Variants in PRKN observed in about 807,000 individuals in gnomAD.
PRKN encodes the protein parkin RBR E3 ubiquitin protein ligase, also known as E3 ubiquitin-protein ligase parkin.
A neutral mutation model predicts 59.5 loss-of-function variants in PRKN; 56 were observed. The ratio of observed to expected loss-of-function variants is 0.94; its 90% CI spans 0.76 to 1.18. The LOEUF (loss-of-function observed/expected upper bound fraction) is 1.18, where lower values mean the gene tolerates loss of function less well. PRKN is among the 50% of genes most tolerant of loss of function. The pLI, the probability that PRKN is intolerant of heterozygous loss-of-function variation, is 0.00. For synonymous variants in PRKN, 250 were observed against 222.1 expected, an observed-to-expected ratio of 1.13 and a Z score of -1.12; for missense variants, 657 against 596.4, an observed-to-expected ratio of 1.10 and a Z score of -1.06.
intron 5 of PRKN, among the ~76,000 whole-genome samples, chr6:162,017,057 A>G (rs1782960085): frequency 6.6e-6 from 1 of 152,234 alleles, no homozygotes; most frequent in South Asian, 2.1e-4. Context: ...AGTTTGTCTT[A>G]AATATCTAAG....
chr6:161,823,645 T>C (rs967119160), intron 6 of PRKN, among the ~76,000 whole-genome samples: 3 of 152,220 alleles, frequency 2.0e-5, no homozygotes, highest in African/African-American at 7.2e-5. Context: ...ATCTCATCTT[T>C]TAAAATGTTA....
intron 8 of PRKN, among the ~76,000 whole-genome samples, chr6:161,559,075 C>A (rs953458046): frequency 3.6e-4 from 48 of 133,268 alleles, no homozygotes; most frequent in East Asian, 1.2e-3. Flanking sequence ...AACCAGTAAA[C>A]AAAAAAAACA....
In PRKN at chr6:161,390,823, A is replaced by T. The variant is rs1055113010; in HGVS notation, c.1084-3946T>A. Among the ~76,000 whole-genome samples the T allele has an allele frequency of 1.3e-5, 2 of 152,142 alleles. No homozygotes were observed. Among genetic ancestry groups the T allele is most frequent in the Non-Finnish European group, 2.9e-5 (2 of 68,028 alleles). On this transcript the variant is annotated intron_variant, in intron 9 of 11. Transcript: ENST00000366898. The surrounding 1 kb of genome is among the most constrained non-coding windows in gnomAD (Gnocchi z 7.0). ...TTATTTTTAAGAATAAAATAAAGCT[A>T]ATTTTTCCTTCCATTTGTGTGAATT...
rs529561920 is a variant in PRKN at position 161,440,991 on chromosome 6, G to C, written c.1084-54114C>G. Among the ~76,000 whole-genome samples the C allele has an allele frequency of 1.3e-5, 2 of 152,314 alleles. No individual in the cohort carries two copies. The highest frequency in any genetic ancestry group is 4.2e-4 in the South Asian group (2 of 4,814). On this transcript the variant is annotated intron_variant, in intron 9 of 11. Coordinates refer to ENST00000366898, the MANE Select transcript of PRKN (RefSeq NM_004562.3). The surrounding 1 kb of genome is among the most constrained non-coding windows in gnomAD (Gnocchi z 4.1). ...TCTTGCAAAATCTCATTGGTAAAGA[G>C]AGAGAGGATTTTCCTAACAAAAATG...
intron 6 of PRKN, among the ~76,000 whole-genome samples, chr6:161,885,459 T>G (rs1795103030): frequency 6.6e-6 from 1 of 151,986 alleles, no homozygotes; most frequent in Non-Finnish European, 1.5e-5. Context: ...GGTCAGGAGA[T>G]AGAGACCATC....
At chr6:161,508,229 G>A (rs563810391) in intron 9 of PRKN, among the ~76,000 whole-genome samples, 31 of 152,216 alleles carry the variant, frequency 2.0e-4, no homozygotes, top group Non-Finnish European at 4.3e-4. Flanking sequence ...GTTTCTGATG[G>A]TTAGGAGCTG....
At chr6:161,650,818 C>T (rs1784125272) in intron 7 of PRKN, among the ~76,000 whole-genome samples, 1 of 152,146 alleles carries the variant, frequency 6.6e-6, no homozygotes, top group Non-Finnish European at 1.5e-5. Context: ...TTACTAAATG[C>T]ACAGTGAAGG....
intron 5 of PRKN, among the ~76,000 whole-genome samples, chr6:161,996,773 C>CA (rs1254711620): frequency 5.9e-5 from 9 of 151,978 alleles, no homozygotes; most frequent in Non-Finnish European, 1.2e-4. Context: ...AGCCTACCCC[C>CA]AAAATATATT....
At chr6:161,495,697 GA>G (rs1340578836) in intron 9 of PRKN, among the ~76,000 whole-genome samples, 1 of 152,232 alleles carries the variant, frequency 6.6e-6, no homozygotes, top group African/African-American at 2.4e-5. Flanking sequence ...CAGCCATGGG[GA>G]CCATGTCCTG....
chr6:161,963,014 A>G (rs1448402715), intron 6 of PRKN, among the ~76,000 whole-genome samples: 1 of 152,100 alleles, frequency 6.6e-6, no homozygotes, highest in African/African-American at 2.4e-5. Flanking sequence ...ATGGTGGCAT[A>G]TGCCTTTAAT....
chr6:162,420,956 C>T (rs1046968232), intron 2 of PRKN, among the ~76,000 whole-genome samples: 4 of 152,134 alleles, frequency 2.6e-5, no homozygotes, highest in South Asian at 2.1e-4. Context: ...GCGATACAGT[C>T]GAGCTCAAAG....
At chr6:162,052,258 T>G (rs1225031146) in intron 5 of PRKN, among the ~76,000 whole-genome samples, 1 of 152,164 alleles carries the variant, frequency 6.6e-6, no homozygotes, top group African/African-American at 2.4e-5. Context: ...GTAAACTTTG[T>G]GTCAATTATT....
At chr6:161,679,520 G>A (rs1297252813) in intron 7 of PRKN, among the ~76,000 whole-genome samples, 2 of 148,378 alleles carry the variant, frequency 1.3e-5, no homozygotes, top group Admixed American at 6.7e-5. Context: ...GGTACTTCCC[G>A]CTTGGGCTCT....
At chr6:162,223,062 T>C (rs1283264431) in intron 3 of PRKN, among the ~76,000 whole-genome samples, 1 of 135,392 alleles carries the variant, frequency 7.4e-6, no homozygotes, top group Non-Finnish European at 1.5e-5. Context: ...CCTGCGTCCA[T>C]GTGATCTCAT....
chr6:161,777,521 C>G (rs1413182561), intron 7 of PRKN, among the ~76,000 whole-genome samples: 1 of 151,532 alleles, frequency 6.6e-6, no homozygotes, highest in Non-Finnish European at 1.5e-5. Flanking sequence ...TCTTATTACA[C>G]ACATCTTGAT....
intron 5 of PRKN, among the ~76,000 whole-genome samples, chr6:162,023,865 G>A (rs757740152): frequency 2.2e-4 from 33 of 152,020 alleles, no homozygotes; most frequent in Non-Finnish European, 3.8e-4. Flanking sequence ...CAGTACTCCT[G>A]TATTAGCATC....
chr6:162,262,836 T>A lies in PRKN; in HGVS notation c.172-71A>T. On this transcript the variant is annotated intron_variant, in intron 2 of 11. Coordinates refer to ENST00000366898, the MANE Select transcript of PRKN (RefSeq NM_004562.3). ...TCAAACATGAAATGCGAGATAGAGT[T>A]TAACTTGCCCTCCGTGGTAGAAGGG... 4 of 1,573,580 alleles carry A rather than the reference T, an allele frequency of 2.5e-6. No individual in the cohort carries two copies. In the South Asian group the frequency reaches 4.5e-5, roughly 18 times the overall value.
chr6:162,628,056 T>C (rs1447286639), intron 1 of PRKN, among the ~76,000 whole-genome samples: 1 of 152,098 alleles, frequency 6.6e-6, no homozygotes, highest in African/African-American at 2.4e-5. Context: ...ATAAGGACTA[T>C]AACAGTCTTT....
rs1316698638 is a variant in PRKN, at chr6:161,466,176, TC to T, written c.1084-79300del. ...TCTAGTCACCATGCTGTACATTAGATCCCCCTGTGTTTCTATTTGAACAGTT... is the reference window on the plus strand; with the variant it reads ...TCTAGTCACCATGCTGTACATTAGATCCCCTGTGTTTCTATTTGAACAGTT... On this transcript the variant is annotated intron_variant, in intron 9 of 11. Transcript: ENST00000366898. The surrounding 1 kb of genome is among the most constrained non-coding windows in gnomAD (Gnocchi z 5.0). Among the ~76,000 whole-genome samples, 2 of 152,096 alleles carry T rather than the reference TC, an allele frequency of 1.3e-5. No homozygotes were observed. Among genetic ancestry groups the T allele is most frequent in the Non-Finnish European group, 2.9e-5 (2 of 68,018 alleles).
Sources: gnomAD v4.1 joint callset for allele counts (sites outside exome capture counted in the v4.1 genomes callset) on GRCh38, gnomAD v4.1.1 for gene constraint, Gnocchi (gnomAD v3.1) non-coding constraint, MANE v1.5 for transcripts, NCBI Gene and HGNC (gene_info 2026-07-23, HGNC 2026-07-21) for gene names.